The following CD300LG variants were observed in gnomAD, a reference collection of about 807,000 sequenced individuals.
CD300LG encodes the protein CMRF35-like molecule 9.
In CD300LG, 29 loss-of-function variants were observed where a neutral mutation model predicts 31.5. The ratio of observed to expected loss-of-function variants is 0.92; its 90% CI spans 0.68 to 1.25. The LOEUF is 1.25. Ranked by LOEUF, CD300LG falls within the 50% of genes most tolerant of loss-of-function variation. The pLI is 0.00. For synonymous variants in CD300LG, 175 were observed against 177.2 expected (o/e 0.99, Z 0.10); for missense variants, 396 against 417.6 (o/e 0.95, Z 0.45).
rs1285576016 is a variant in CD300LG, at chr17:43,854,351, C to T, written c.719+307C>T. 2.0e-5 allele frequency among the ~76,000 whole-genome samples: 3 copies of T among 152,340 alleles called. No homozygotes were observed. In the East Asian group the frequency reaches 5.8e-4, roughly 29 times the overall value. ...GGGGCTTTTGCCTGTATACTTTGCACTAAGCCCTGTGCCAAACATGAAAAC... is the reference window on the plus strand; with the variant it reads ...GGGGCTTTTGCCTGTATACTTTGCATTAAGCCCTGTGCCAAACATGAAAAC... On this transcript the variant is annotated intron_variant, in intron 4 of 6. Transcript: ENST00000317310.
Position 43,847,251 on chromosome 17 carries a change from T to C in CD300LG, c.35T>C (p.Leu12Pro), listed in dbSNP as rs1281291849. 1.2e-6 allele frequency: 2 copies of C among 1,613,916 alleles called. No individual in the cohort carries two copies. Among genetic ancestry groups the C allele is most frequent in the East Asian group, 4.5e-5 (2 of 44,888 alleles). ...CTGGTCCTGCTATGGGGTTGCCTGC[T>C]GCTCCCAGGTGAGATGGGGAGAGGG... The part of the protein sequence containing the change: ...RLLVLLWGCL[L>P]LPGYEALEGP... Residue 12 changes from leucine (L) to proline (P), a missense_variant, in exon 1 of 7, where the codon CTG (leucine) becomes CCG (proline). By Grantham distance (98) the Leu-to-Pro change is moderately conservative (BLOSUM62 -3). Coordinates refer to ENST00000317310, the MANE Select transcript of CD300LG (RefSeq NM_145273.4).
rs77831559 is a variant in CD300LG at position 43,861,677 on chromosome 17, C to T, written c.886-121C>T. 527 of 594,838 alleles carry T rather than the reference C, an allele frequency of 8.9e-4. 1 individual carries two copies. In the East Asian group the frequency reaches 0.01, roughly 11 times the overall value. 36.8% of individuals were successfully genotyped at this position (594,838 alleles called of 1,614,324 possible). ...TAGGTCCTGTGCCTCTGCAGATGGA[C>T]GGAGGGCTGGAACTTGTGGAAAAGG... On this transcript the variant is annotated intron_variant, in intron 6 of 6. Coordinates refer to ENST00000317310, the MANE Select transcript of CD300LG (RefSeq NM_145273.4).
intron 2 of CD300LG, among the ~76,000 whole-genome samples, chr17:43,852,525 T>C (rs1186568486): frequency 6.6e-6 from 1 of 152,050 alleles, no homozygotes; most frequent in Non-Finnish European, 1.5e-5. Context: ...GAAGCCTGAG[T>C]TTAAGAGGCC....
At chr17:43,858,239 G>T in intron 6 of CD300LG, 1 of 1,077,118 alleles carries the variant, frequency 9.3e-7, no homozygotes, top group Non-Finnish European at 1.1e-6. Flanking sequence ...GTCTCAGGAA[G>T]CTCAACAGGG....
rs775408229 is a variant in CD300LG at position 43,848,598 on chromosome 17, C to T, written c.84C>T (p.Phe28=). 3.2e-5 allele frequency: 51 copies of T among 1,613,840 alleles called. No homozygotes were observed. Among genetic ancestry groups the T allele is most frequent in the Non-Finnish European group, 4.2e-5 (49 of 1,179,952 alleles). The change falls in exon 2 of 7, where the codon TTC becomes TTT. Residue 28 remains phenylalanine (F), a synonymous_variant. Coordinates refer to ENST00000317310, the MANE Select transcript of CD300LG (RefSeq NM_145273.4). The part of the protein sequence containing the change: ...ALEGPEEISG[F]EGDTVSLQCT... ...AGGGCCCAGAGGAAATCAGCGGGTT[C>T]GAAGGGGACACTGTGTCCCTGCAGT...
At chr17:43,855,175 C>T in intron 4 of CD300LG, 32 bp from the exon 5 acceptor site, 1 of 1,481,886 alleles carries the variant, frequency 6.7e-7, no homozygotes. Context: ...TATCTGGTAA[C>T]AGCCACTAGG....
intron 6 of CD300LG, chr17:43,858,100 G>C (rs1446381052): frequency 1.5e-6 from 2 of 1,375,048 alleles, no homozygotes; most frequent in Non-Finnish European, 1.9e-6. Flanking sequence ...CACAAGGGCA[G>C]GAAAGCGGAG....
intron 2 of CD300LG, chr17:43,849,942 T>A (rs528521532): frequency 6.6e-6 from 1 of 152,364 alleles, no homozygotes; most frequent in Admixed American, 6.5e-5. Context: ...CTGTTCTTCA[T>A]TATTTACAAG....
chr17:43,860,233 G>A (rs2046624580), intron 6 of CD300LG, among the ~76,000 whole-genome samples: 1 of 152,182 alleles, frequency 6.6e-6, no homozygotes, highest in Non-Finnish European at 1.5e-5. Flanking sequence ...ACAGTCTCCA[G>A]TATGAGTCCC....
At chr17:43,860,578 G>A (rs2046632314) in intron 6 of CD300LG, among the ~76,000 whole-genome samples, 1 of 152,230 alleles carries the variant, frequency 6.6e-6, no homozygotes, top group African/African-American at 2.4e-5. Flanking sequence ...CCAGGCCCGG[G>A]TCAGAATATG....
chr17:43,848,601 AG>A lies in CD300LG; in HGVS notation c.91del (p.Asp31ThrfsTer13). The A allele has an allele frequency of 6.2e-7, 1 of 1,613,986 alleles. No individual in the cohort carries two copies. Among genetic ancestry groups the A allele is most frequent in the Non-Finnish European group, 8.5e-7 (1 of 1,179,926 alleles). ...GCCCAGAGGAAATCAGCGGGTTCGA[AG>A]GGGACACTGTGTCCCTGCAGTGCAC... ...EGPEEISGFE[G>X]DTVSLQCTYR... On this transcript the variant is annotated frameshift_variant, in exon 2 of 7. Coordinates refer to ENST00000317310, the MANE Select transcript of CD300LG (RefSeq NM_145273.4). LOFTEE classifies it high-confidence loss of function.
At chr17:43,854,202 G>A (rs1356703643) in intron 4 of CD300LG, among the ~76,000 whole-genome samples, 158 bp downstream of exon 4, 2 of 152,250 alleles carry the variant, frequency 1.3e-5, no homozygotes, top group East Asian at 1.9e-4. Context: ...GGGCCCTTGA[G>A]CAGTGGACAG....
At chr17:43,857,301 T>C in intron 6 of CD300LG, 145 bp downstream of exon 6, 4 of 1,439,128 alleles carry the variant, frequency 2.8e-6, no homozygotes, top group Non-Finnish European at 3.8e-6. Flanking sequence ...TGGAGGAATG[T>C]GTGTGAGCCC....
In CD300LG at chr17:43,848,548, C is replaced by G; in HGVS notation, c.44-10C>G. The G allele has an allele frequency of 6.2e-7, 1 of 1,607,930 alleles. No individual in the cohort carries two copies. Among genetic ancestry groups the G allele is most frequent in the Non-Finnish European group, 8.5e-7 (1 of 1,175,674 alleles). ...GGTTTTTCCAACCTCCACTCCTGCT[C>G]TGATTTTAGGTTATGAAGCCCTGGA... On this transcript the variant is annotated splice_polypyrimidine_tract_variant and intron_variant, in intron 1 of 6. Transcript: ENST00000317310.
intron 6 of CD300LG, among the ~76,000 whole-genome samples, chr17:43,858,937 C>T (rs2046597497): frequency 2.0e-5 from 3 of 152,292 alleles, no homozygotes; most frequent in Middle Eastern, 3.4e-3. Context: ...ACACCTACTA[C>T]GTGTCAGGGG....
intron 5 of CD300LG, among the ~76,000 whole-genome samples, chr17:43,856,007 T>C (rs1162267736): frequency 6.6e-6 from 1 of 152,190 alleles, no homozygotes; most frequent in South Asian, 2.1e-4. Context: ...AGTGGTGTGA[T>C]CATGGCTCAC....
At chr17:43,847,658 TCA>T (rs373560064) in intron 1 of CD300LG, among the ~76,000 whole-genome samples, 23 of 152,354 alleles carry the variant, frequency 1.5e-4, no homozygotes, top group African/African-American at 5.3e-4. Flanking sequence ...TGAAGAATTA[TCA>T]CGTTTCATCA....
chr17:43,862,098 G>T lies in CD300LG; in HGVS notation c.*187G>T, dbSNP rs754843929. ...CCTAGAAGCGTTTGTCAGCCCTGGA[G>T]CCCAGAGCGGTGGCCTTGCTCTTCC... On this transcript the variant is annotated 3_prime_UTR_variant, in exon 7 of 7. Coordinates refer to ENST00000317310, the MANE Select transcript of CD300LG (RefSeq NM_145273.4). 3.2e-5 allele frequency: 15 copies of T among 473,622 alleles called. No homozygotes were observed. Among genetic ancestry groups the T allele is most frequent in the Non-Finnish European group, 5.2e-5 (14 of 268,076 alleles). 29.3% of individuals were successfully genotyped at this position (473,622 alleles called of 1,614,324 possible). A position where few individuals can be genotyped will look rare whatever the true frequency, so the allele number is the denominator to read the frequency against.
chr17:43,857,786 C>T, intron 6 of CD300LG: 1 of 1,537,268 alleles, frequency 6.5e-7, no homozygotes, highest in Non-Finnish European at 8.7e-7. Flanking sequence ...TCTTCTCTTT[C>T]CAGAACTCCC....
Sources: gnomAD v4.1 joint callset for allele counts (sites outside exome capture counted in the v4.1 genomes callset) on GRCh38, gnomAD v4.1.1 for gene constraint, MANE v1.5 for transcripts, NCBI Gene and HGNC (gene_info 2026-07-23, HGNC 2026-07-21) for gene names.